The following GSAP variants were observed in gnomAD, a reference collection of about 807,000 sequenced individuals.
The protein encoded by GSAP is gamma-secretase activating protein.
A neutral mutation model predicts 131.7 loss-of-function variants in GSAP; 118 were observed. The observed-to-expected ratio is 0.90, with a 90% CI of 0.77 to 1.04. GSAP has a LOEUF of 1.04. Among genes scored for constraint, GSAP ranks in the 50% least tolerant of loss-of-function variants. The pLI is 0.00. For missense variants in GSAP, 1,019 were observed against 1,013.2 expected, an observed-to-expected ratio of 1.01 and a Z score of -0.08; for synonymous variants, 381 against 363.4, an observed-to-expected ratio of 1.05 and a Z score of -0.55.
intron 14 of GSAP, 84 bp downstream of exon 14, chr7:77,360,739 GA>G: frequency 2.8e-6 from 2 of 723,244 alleles, no homozygotes; most frequent in Non-Finnish European, 5.0e-6. Flanking sequence ...AGAGGCATGA[GA>G]AATGGGATAG....
chr7:77,381,259 TG>T (rs771034994), intron 8 of GSAP, 45 bp downstream of exon 8: 5 of 1,047,702 alleles, frequency 4.8e-6, no homozygotes, highest in African/African-American at 1.7e-5. Context: ...TACTTCTTTG[TG>T]GGGAAAAAAA....
intron 1 of GSAP, among the ~76,000 whole-genome samples, chr7:77,408,709 A>AG (rs1318042969): frequency 1.7e-4 from 25 of 151,050 alleles, no homozygotes; most frequent in Non-Finnish European, 3.5e-4. Flanking sequence ...AAAAAAAAAA[A>AG]AAAAGAAAAG....
At position 77,326,097 on chromosome 7, in the gene GSAP, CATACTT is replaced by C. The variant is rs926949688; in HGVS notation, c.1827+109_1827+114del. On this transcript the variant is annotated intron_variant, in intron 23 of 30. Coordinates refer to ENST00000257626, the MANE Select transcript of GSAP (RefSeq NM_017439.4). The stretch of plus-strand genomic sequence containing the variant: ...CACAAGGTCCATAATGCTGGCAAAA[CATACTT>C]GTGCAAAGAATAAAGAATAAGATCA... 4.2e-5 allele frequency: 31 copies of C among 739,824 alleles called. No homozygotes were observed. In the African/African-American group the frequency reaches 5.1e-4, roughly 12 times the overall value. The allele number at this position is 739,824 out of a possible 1,614,324, so 45.8% of individuals were successfully genotyped here.
chr7:77,387,289 T>C, intron 6 of GSAP, 71 bp downstream of exon 6: 1 of 813,934 alleles, frequency 1.2e-6, no homozygotes, highest in Non-Finnish European at 2.2e-6. Flanking sequence ...AAGTACTTTG[T>C]AAACCCCAAT....
chr7:77,347,534 G>A (rs1411738653), intron 19 of GSAP, among the ~76,000 whole-genome samples: 1 of 151,924 alleles, frequency 6.6e-6, no homozygotes, highest in African/African-American at 2.4e-5. Flanking sequence ...GTGAGAGAGA[G>A]GGAAAACACA....
intron 6 of GSAP, among the ~76,000 whole-genome samples, chr7:77,385,034 CTTTTT>C (rs1228460297): frequency 7.2e-6 from 1 of 139,740 alleles, no homozygotes. Flanking sequence ...GTACTTCTAA[CTTTTT>C]TTTTTTTTTT....
At chr7:77,382,691 A>G (rs371024941) in intron 6 of GSAP, 48 bp from the exon 7 acceptor site, 217 of 1,033,154 alleles carry the variant, frequency 2.1e-4, no homozygotes, top group Non-Finnish European at 3.1e-4. Context: ...TCTTGCTTGA[A>G]CAAGTATTTC....
At chr7:77,358,173 T>C (rs368629219) in intron 14 of GSAP, among the ~76,000 whole-genome samples, 11 of 152,108 alleles carry the variant, frequency 7.2e-5, no homozygotes, top group Non-Finnish European at 1.2e-4. Context: ...AAACCCCATC[T>C]CTACAAAAAA....
intron 9 of GSAP, 29 bp downstream of exon 9, chr7:77,377,257 A>AAAAAAAAAAAAAAAAAAC: frequency 7.0e-7 from 1 of 1,429,158 alleles, no homozygotes; most frequent in Non-Finnish European, 9.2e-7. Flanking sequence ...AAAAAAAAAA[A>AAAAAAAAAAAAAAAAAAC]AGGAGTGCCC....
rs148729400 is a variant in GSAP, at chr7:77,365,759, T to C, written c.872-3099A>G. ...TCTAAGTATATACCCAGTAATCAGA[T>C]TGCTGGGTCCAATAGTAGTTCTGCT... On this transcript the variant is annotated intron_variant, in intron 12 of 30. Coordinates refer to ENST00000257626, the MANE Select transcript of GSAP (RefSeq NM_017439.4). Among the ~76,000 whole-genome samples, 122 of 152,240 alleles carry C rather than the reference T, an allele frequency of 8.0e-4. 1 individual carries two copies. The East Asian group carries it at 0.019, about 24-fold the overall frequency.
In GSAP at chr7:77,328,606, C is replaced by T. The variant is rs1227379620; in HGVS notation, c.1765G>A (p.Gly589Arg). 5.0e-6 allele frequency: 8 copies of T among 1,611,178 alleles called. No individual in the cohort carries two copies. The highest frequency in any genetic ancestry group is 1.3e-5 in the African/African-American group (1 of 74,746). ...VISNLEARNL[G>R]PRLTPLLQEE... ...GGCTTTATTACAGATCTTTTCTTAC[C>T]CAAATTTCTTGCTTCTAGGTTAGAA... Residue 589 changes from glycine (G) to arginine (R), a missense_variant and splice_region_variant, in exon 22 of 31, where the codon GGG becomes AGG. Physicochemically the swap from Gly to Arg is moderately radical, Grantham distance 125 (BLOSUM62 -2). Coordinates refer to ENST00000257626, the MANE Select transcript of GSAP (RefSeq NM_017439.4).
chr7:77,311,230 CATGGCTAAACAATT>C lies in GSAP; in HGVS notation c.*114_*127del. On this transcript the variant is annotated 3_prime_UTR_variant, in exon 31 of 31. Coordinates refer to ENST00000257626, the MANE Select transcript of GSAP (RefSeq NM_017439.4). Reference sequence around the variant, plus strand: ...TGAACGTGTACCAACCTGAAACTCACATGGCTAAACAATTATGGCTAAACTATTTTTGTTACCAA... The same window carrying C: ...TGAACGTGTACCAACCTGAAACTCACATGGCTAAACTATTTTTGTTACCAA... 1.5e-6 allele frequency: 1 copy of C among 655,696 alleles called. No individual in the cohort carries two copies. Among genetic ancestry groups the C allele is most frequent in the South Asian group, 1.8e-5 (1 of 54,818 alleles). 40.6% of individuals were successfully genotyped at this position (655,696 alleles called of 1,614,324 possible). A position where few individuals can be genotyped will look rare whatever the true frequency, so the allele number is the denominator to read the frequency against.
At chr7:77,351,123 A>G (rs1279103257) in intron 18 of GSAP, 1 of 978,332 alleles carries the variant, frequency 1.0e-6, no homozygotes, top group African/African-American at 1.8e-5. Context: ...GGACAGAGAA[A>G]TAAGTTTTCA....
In GSAP at chr7:77,382,057, TCCTCTC is replaced by T. The variant is rs534859987; in HGVS notation, c.526+511_526+516del. On this transcript the variant is annotated intron_variant, in intron 7 of 30. Coordinates refer to ENST00000257626, the MANE Select transcript of GSAP (RefSeq NM_017439.4). ...AAGCTCCACCAGTAAATTCTGTCCT[TCCTCTC>T]CCTCTCTAACTTGAAACCATCATGG... Among the ~76,000 whole-genome samples the T allele has an allele frequency of 7.7e-3, 1,154 of 150,018 alleles. 10 individuals carry two copies. The highest frequency in any genetic ancestry group is 0.014 in the Middle Eastern group (4 of 294).
At chr7:77,354,101 TAATCCC>T (rs555908843) in intron 16 of GSAP, among the ~76,000 whole-genome samples, 14 of 152,272 alleles carry the variant, frequency 9.2e-5, no homozygotes, top group African/African-American at 3.4e-4. Flanking sequence ...GAGGGAGGGA[TAATCCC>T]TGCTATACCA....
intron 23 of GSAP, 145 bp downstream of exon 23, chr7:77,326,067 G>A: frequency 3.3e-6 from 2 of 611,266 alleles, no homozygotes; most frequent in Non-Finnish European, 5.8e-6. Context: ...GCTTACCACT[G>A]GGCACACAAG....
At chr7:77,337,585 A>G (rs2150734613) in intron 19 of GSAP, among the ~76,000 whole-genome samples, 1 of 152,326 alleles carries the variant, frequency 6.6e-6, no homozygotes, top group East Asian at 1.9e-4. Context: ...ACTGATAGAC[A>G]TTGGCAGTAA....
Position 77,355,430 on chromosome 7 carries a change from C to A in GSAP, c.1121G>T (p.Gly374Val). 6.6e-7 allele frequency: 1 copy of A among 1,518,914 alleles called. No homozygotes were observed. Among genetic ancestry groups the A allele is most frequent in the Non-Finnish European group, 8.9e-7 (1 of 1,125,346 alleles). 94.1% of individuals were successfully genotyped at this position (1,518,914 alleles called of 1,614,324 possible). A position where few individuals can be genotyped will look rare whatever the true frequency, so the allele number is the denominator to read the frequency against. The change falls in exon 16 of 31, where the codon GGA becomes GTA. Residue 374 changes from glycine to valine, a missense_variant and splice_region_variant. Coordinates refer to ENST00000257626, the MANE Select transcript of GSAP (RefSeq NM_017439.4). ...DLICHNLFLT[G>V]NNEMIDMLPH... Reference sequence around the variant, plus strand: ...TAGCATATCAATCATTTCATTATTTCCTGGCAAAAAAAAAAAAAACAGTAG... The same window carrying A: ...TAGCATATCAATCATTTCATTATTTACTGGCAAAAAAAAAAAAAACAGTAG...
At chr7:77,357,702 C>G (rs1442784051) in intron 14 of GSAP, among the ~76,000 whole-genome samples, 1 of 152,162 alleles carries the variant, frequency 6.6e-6, no homozygotes, top group Non-Finnish European at 1.5e-5. Context: ...TCAAGCCATC[C>G]TGGGCTGTGG....
Sources: allele counts gnomAD v4.1 joint callset (sites outside exome capture counted in the v4.1 genomes callset), GRCh38; gene constraint gnomAD v4.1.1; transcripts MANE v1.5; gene names NCBI Gene and HGNC (gene_info 2026-07-23, HGNC 2026-07-21).